The following DAB1 variants were observed in gnomAD, a reference collection of about 807,000 sequenced individuals.
DAB1 encodes DAB adaptor protein 1.
Under a neutral mutation model 64.6 loss-of-function variants are expected in DAB1, and 15 were observed. The observed-to-expected ratio is 0.23, with a 90% CI of 0.16 to 0.36. The LOEUF (loss-of-function observed/expected upper bound fraction) is 0.36. DAB1 is among the 10% of genes least tolerant of loss of function. DAB1 has a pLI of 1.00. For synonymous variants in DAB1, 235 were observed against 251.9 expected (o/e 0.93, Z 0.64); for missense variants, 596 against 706.7 (o/e 0.84, Z 1.78).
intron 6 of DAB1, among the ~76,000 whole-genome samples, chr1:57,742,500 T>C (rs1437654791): frequency 6.6e-6 from 1 of 152,092 alleles, no homozygotes; most frequent in East Asian, 1.9e-4. Context: ...ACTCTCTTTA[T>C]GATAGTGACA....
At chr1:57,269,118 C>A (rs1035354004) in intron 2 of DAB1, among the ~76,000 whole-genome samples, 1 of 152,070 alleles carries the variant, frequency 6.6e-6, no homozygotes, top group Admixed American at 6.6e-5. Context: ...GAGCCACAAC[C>A]GGAAGTGGAG....
At chr1:57,656,336 G>T (rs190778543) in intron 6 of DAB1, among the ~76,000 whole-genome samples, 2 of 150,024 alleles carry the variant, frequency 1.3e-5, no homozygotes, top group East Asian at 3.9e-4. Flanking sequence ...ATTCTATTAG[G>T]TTGGTGCAAA....
At chr1:57,741,293 T>C (rs1647979266) in intron 6 of DAB1, among the ~76,000 whole-genome samples, 1 of 152,144 alleles carries the variant, frequency 6.6e-6, no homozygotes. Context: ...TAATAAAAAA[T>C]AAAATGTATT....
At chr1:58,009,815 G>A (rs544481910) in intron 5 of DAB1, among the ~76,000 whole-genome samples, 49 of 152,208 alleles carry the variant, frequency 3.2e-4, no homozygotes, top group African/African-American at 1.2e-3. Flanking sequence ...AAGGTTTAGT[G>A]AATTAAACTA....
intron 3 of DAB1, among the ~76,000 whole-genome samples, chr1:58,438,216 A>G (rs754962281): frequency 1.3e-4 from 20 of 152,172 alleles, no homozygotes; most frequent in Non-Finnish European, 2.6e-4. Flanking sequence ...TTTGCATATG[A>G]CAGAATTCTG....
At chr1:57,476,254 CA>C (rs918293243) in intron 7 of DAB1, among the ~76,000 whole-genome samples, 8 of 144,354 alleles carry the variant, frequency 5.5e-5, no homozygotes, top group African/African-American at 7.7e-5. Flanking sequence ...AAAACAAAAA[CA>C]AAAAAAAACC....
chr1:58,140,348 T>C (rs1338484848), intron 5 of DAB1, among the ~76,000 whole-genome samples: 21 of 152,224 alleles, frequency 1.4e-4, no homozygotes, highest in Admixed American at 1.4e-3. Flanking sequence ...AGTGCTATAA[T>C]CAGGTATCCA....
intron 7 of DAB1, among the ~76,000 whole-genome samples, chr1:57,632,412 C>T (rs1450771162): frequency 6.6e-6 from 1 of 152,066 alleles, no homozygotes; most frequent in Non-Finnish European, 1.5e-5. Context: ...TCAGCCACAG[C>T]GGATGAAAGG....
At position 57,552,658 on chromosome 1, in the gene DAB1, A is replaced by C. The variant is rs573143476; in HGVS notation, n.625+96934T>G. On this transcript the variant is annotated intron_variant and non_coding_transcript_variant, in intron 7 of 20. Coordinates refer to the DAB1 transcript ENST00000485760. ...ATGTGCGGGACACTTCAATCAGCTC[A>C]TTGTTACAAAAGATACACTTTTAAG... Among the ~76,000 whole-genome samples the C allele has an allele frequency of 2.0e-5, 3 of 152,306 alleles. No homozygotes were observed. In the South Asian group the frequency reaches 6.2e-4, roughly 32 times the overall value.
intron 6 of DAB1, among the ~76,000 whole-genome samples, chr1:57,745,583 A>G (rs887273138): frequency 2.0e-5 from 3 of 152,202 alleles, no homozygotes; most frequent in Non-Finnish European, 4.4e-5. Context: ...TCAACCAGAT[A>G]TGACTTTTAA....
chr1:58,459,923 A>G (rs1364430041), intron 3 of DAB1, among the ~76,000 whole-genome samples: 3 of 152,202 alleles, frequency 2.0e-5, no homozygotes, highest in Non-Finnish European at 1.5e-5. Flanking sequence ...GGTAGCAGTG[A>G]GCTGAGATCA....
chr1:57,899,723 C>T (rs966040398), intron 5 of DAB1, among the ~76,000 whole-genome samples: 2 of 152,028 alleles, frequency 1.3e-5, no homozygotes, highest in Admixed American at 6.6e-5. Flanking sequence ...TTAGAAGCCT[C>T]GTGATACTTT....
intron 5 of DAB1, among the ~76,000 whole-genome samples, chr1:57,965,083 G>C (rs895378707): frequency 2.0e-5 from 3 of 152,218 alleles, no homozygotes; most frequent in Admixed American, 6.5e-5. Flanking sequence ...AAAGAGATAT[G>C]GTAGGGTATT....
intron 4 of DAB1, among the ~76,000 whole-genome samples, chr1:58,200,674 G>A (rs537722515): frequency 6.6e-6 from 1 of 152,338 alleles, no homozygotes; most frequent in African/African-American, 2.4e-5. Flanking sequence ...TCTGGAAGGT[G>A]TAATTCAATT....
chr1:57,402,152 A>G (rs1269964976), intron 1 of DAB1, among the ~76,000 whole-genome samples: 3 of 152,200 alleles, frequency 2.0e-5, no homozygotes, highest in Admixed American at 6.5e-5. Flanking sequence ...ACTTATACCT[A>G]TGAGGTCAAT....
rs1278027254 is a variant in DAB1 at position 57,072,285 on chromosome 1, C to G, written c.436G>C (p.Ala146Pro). Residue 146 changes from alanine (A) to proline (P), a missense_variant and splice_region_variant, in exon 5 of 15, where the codon GCG (alanine) becomes CCG (proline). Ala to Pro is a conservative substitution (Grantham distance 27). Around this residue, in one of 3 missense-constraint regions of DAB1, gnomAD observed 176 missense variants for 266.7 expected, o/e 0.66. Transcript: ENST00000371236. The part of the protein sequence containing the change: ...HRFVAIKTAQ[A>P]AEPVILDLRD... ...CCTTCTTGGATAGGGATACTCACCGCCTGGGCTGTTTTTATGGCCACAAAT... is the reference window on the plus strand; with the variant it reads ...CCTTCTTGGATAGGGATACTCACCGGCTGGGCTGTTTTTATGGCCACAAAT... The G allele has an allele frequency of 3.1e-6, 5 of 1,613,336 alleles. No homozygotes were observed. Among genetic ancestry groups the G allele is most frequent in the Admixed American group, 1.7e-5 (1 of 59,956 alleles).
At chr1:58,325,164 C>A (rs1399452733) in intron 4 of DAB1, among the ~76,000 whole-genome samples, 1 of 152,116 alleles carries the variant, frequency 6.6e-6, no homozygotes, top group Non-Finnish European at 1.5e-5. Context: ...AAACCCCAAG[C>A]CTAAAGGAGC....
intron 4 of DAB1, among the ~76,000 whole-genome samples, chr1:58,301,695 G>A (rs1662173698): frequency 6.6e-6 from 1 of 152,102 alleles, no homozygotes; most frequent in Non-Finnish European, 1.5e-5. Flanking sequence ...CTCACACAAG[G>A]AAACTGAGGC....
chr1:57,457,838 G>T (rs1340868862), intron 7 of DAB1, among the ~76,000 whole-genome samples: 1 of 152,076 alleles, frequency 6.6e-6, no homozygotes, highest in East Asian at 1.9e-4. Context: ...CCAGCCTAAG[G>T]ATTACAGGAT....
Sources: allele counts gnomAD v4.1 joint callset (sites outside exome capture counted in the v4.1 genomes callset), GRCh38; gene constraint gnomAD v4.1.1; regional missense constraint gnomAD v4.1.1; transcripts MANE v1.5; gene names NCBI Gene and HGNC (gene_info 2026-07-23, HGNC 2026-07-21).